The following ZNF525 variants were observed in gnomAD, a reference collection of about 807,000 sequenced individuals.
ZNF525 encodes zinc finger protein 525.
In ZNF525, 33 loss-of-function variants were observed where a neutral mutation model predicts 37.6. The observed-to-expected ratio is 0.88, with a 90% CI of 0.67 to 1.17. ZNF525 has a LOEUF of 1.17. Among genes scored for constraint, ZNF525 ranks in the 50% most tolerant of loss-of-function variants. The probability of loss-of-function intolerance (pLI) is 0.00; values close to 1 mark genes in which losing one functional copy is unlikely to be tolerated. For synonymous variants in ZNF525, 170 were observed against 182.3 expected, an observed-to-expected ratio of 0.93 and a Z score of 0.54; for missense variants, 449 against 543.1, an observed-to-expected ratio of 0.83 and a Z score of 1.72.
chr19:53,366,413 G>A (rs755029426), intron 1 of ZNF525, among the ~76,000 whole-genome samples: 2 of 151,776 alleles, frequency 1.3e-5, no homozygotes, highest in Non-Finnish European at 2.9e-5. Flanking sequence ...GTGATTGTGT[G>A]GGCCAAAGGG....
At chr19:53,371,265 C>T (rs2085486248) in intron 1 of ZNF525, among the ~76,000 whole-genome samples, 1 of 143,930 alleles carries the variant, frequency 6.9e-6, no homozygotes. Context: ...GTCTCATGAT[C>T]TTGGCTCACT....
At chr19:53,375,623 C>G in intron 2 of ZNF525, 147 bp from the exon 3 acceptor site, 1 of 1,586,310 alleles carries the variant, frequency 6.3e-7, no homozygotes, top group African/African-American at 1.3e-5. Flanking sequence ...ACTGGGAAGA[C>G]AAAATGCAGT....
Position 53,382,856 on chromosome 19 carries a change from AACCTTGAAAGTCATAGG to A in ZNF525, c.*839_*855del. ...TGATAAAGCTTTCAGATTCAAATCA[AACCTTGAAAGTCATAGG>A]AGAATTCATACTAGAGAGAAACCTT... On this transcript the variant is annotated 3_prime_UTR_variant, in exon 4 of 4. Transcript: ENST00000474037. The A allele has an allele frequency of 7.4e-7, 1 of 1,343,058 alleles. No individual in the cohort carries two copies. Among genetic ancestry groups the A allele is most frequent in the East Asian group, 2.4e-5 (1 of 42,124 alleles). 83.2% of individuals were successfully genotyped at this position (1,343,058 alleles called of 1,614,324 possible).
chr19:53,373,654 A>AT lies in ZNF525; in HGVS notation c.15+1358_15+1359insT, dbSNP rs1385611800. Among the ~76,000 whole-genome samples, 5 of 144,270 alleles carry AT rather than the reference A, an allele frequency of 3.5e-5. No homozygotes were observed. In the South Asian group the frequency reaches 6.6e-4, roughly 19 times the overall value. 94.6% of individuals were successfully genotyped at this position (144,270 alleles called of 152,430 possible). On this transcript the variant is annotated intron_variant, in intron 2 of 3. Coordinates refer to ENST00000474037, the MANE Select transcript of ZNF525 (RefSeq NM_001348156.2). ...GGAAAAATTCTGCAGTAAATTACAA[A>AT]ATTTTTTTTTTACAAAAATTAACCA...
At chr19:53,370,542 C>T (rs1270281445) in intron 1 of ZNF525, among the ~76,000 whole-genome samples, 2 of 152,030 alleles carry the variant, frequency 1.3e-5, no homozygotes, top group African/African-American at 2.4e-5. Flanking sequence ...AGGGGCTAGA[C>T]CAGAAAAGCT....
intron 1 of ZNF525, among the ~76,000 whole-genome samples, chr19:53,371,017 G>A (rs190373895): frequency 5.9e-5 from 9 of 152,176 alleles, no homozygotes; most frequent in East Asian, 3.9e-4. Context: ...GTCTCAGGTC[G>A]TTGTCCCTGC....
chr19:53,386,372 C>T lies in ZNF525; in HGVS notation c.*4353C>T, dbSNP rs373480725. 6.3e-5 allele frequency: 55 copies of T among 872,052 alleles called. No homozygotes were observed. Among genetic ancestry groups the T allele is most frequent in the East Asian group, 5.3e-4 (21 of 39,562 alleles). 54.0% of individuals were successfully genotyped at this position (872,052 alleles called of 1,614,324 possible). On this transcript the variant is annotated 3_prime_UTR_variant, in exon 4 of 4. Coordinates refer to ENST00000474037, the MANE Select transcript of ZNF525 (RefSeq NM_001348156.2). ...TCCAAAAGGAGACATTGGAGAAGAA[C>T]CAAGCTGGGTCTATAAGGAATTGCA...
At chr19:53,367,563 T>G (rs945500057) in intron 1 of ZNF525, among the ~76,000 whole-genome samples, 3 of 152,152 alleles carry the variant, frequency 2.0e-5, no homozygotes, top group African/African-American at 7.2e-5. Flanking sequence ...CAATTCTTAG[T>G]ATTTCTAGAA....
chr19:53,377,199 C>A (rs367956269), intron 3 of ZNF525, among the ~76,000 whole-genome samples: 1 of 152,110 alleles, frequency 6.6e-6, no homozygotes, highest in African/African-American at 2.4e-5. Flanking sequence ...ATTAATGAGA[C>A]GAAGTTTTGT....
At chr19:53,367,043 A>G (rs2085453168) in intron 1 of ZNF525, among the ~76,000 whole-genome samples, 1 of 152,196 alleles carries the variant, frequency 6.6e-6, no homozygotes, top group African/African-American at 2.4e-5. Context: ...CACGTAATCT[A>G]TAGCATAGCA....
In ZNF525 at chr19:53,383,304, C is replaced by A. The variant is rs1487939388; in HGVS notation, c.*1285C>A. On this transcript the variant is annotated 3_prime_UTR_variant, in exon 4 of 4. Transcript: ENST00000474037. ...CTTGTAATTCATAAAACAATTCATACTGGAGAGAAACAAGCGTAATGAATG... is the reference window on the plus strand; with the variant it reads ...CTTGTAATTCATAAAACAATTCATAATGGAGAGAAACAAGCGTAATGAATG... The A allele has an allele frequency of 7.0e-6, 9 of 1,286,836 alleles. No individual in the cohort carries two copies. In the African/African-American group the frequency reaches 1.6e-4, roughly 23 times the overall value. 79.7% of individuals were successfully genotyped at this position (1,286,836 alleles called of 1,614,324 possible).
At position 53,381,642 on chromosome 19, in the gene ZNF525, T is replaced by C; in HGVS notation, c.1063T>C (p.Tyr355His). 1 of 1,131,604 alleles carries C rather than the reference T, an allele frequency of 8.8e-7. No homozygotes were observed. Among genetic ancestry groups the C allele is most frequent in the Non-Finnish European group, 1.4e-6 (1 of 739,346 alleles). 70.1% of individuals were successfully genotyped at this position (1,131,604 alleles called of 1,614,324 possible). ...TAGCATTCATACTGGAAAGAAACCT[T>C]ACGAATGTGAAGAATGTGACAAAGC... Reference protein sequence around the residue: ...HRSIHTGKKPYECEECDKAFS... With the variant: ...HRSIHTGKKPHECEECDKAFS... Residue 355 changes from tyrosine to histidine, a missense_variant, in exon 4 of 4, where the codon TAC becomes CAC. Transcript: ENST00000474037.
intron 1 of ZNF525, among the ~76,000 whole-genome samples, chr19:53,367,036 G>A (rs182250495): frequency 5.9e-5 from 9 of 152,246 alleles, no homozygotes; most frequent in Admixed American, 2.6e-4. Context: ...AATAGGTCAC[G>A]TAATCTATAG....
chr19:53,381,359 C>G lies in ZNF525; in HGVS notation c.780C>G (p.Arg260=), dbSNP rs781137094. ...KVFIRKRYLA[R]HRRCHTGEKP... Reference sequence around the variant, plus strand: ...TTATTCGGAAGCGATACCTTGCACGCCATCGTAGATGTCACACTGGTGAGA... The same window carrying G: ...TTATTCGGAAGCGATACCTTGCACGGCATCGTAGATGTCACACTGGTGAGA... The change falls in exon 4 of 4, where the codon CGC becomes CGG. Residue 260 remains arginine (R), a synonymous_variant. Transcript: ENST00000474037. 1 of 1,594,862 alleles carries G rather than the reference C, an allele frequency of 6.3e-7. No individual in the cohort carries two copies. The highest frequency in any genetic ancestry group is 8.6e-7 in the Non-Finnish European group (1 of 1,162,630).
At chr19:53,372,452 T>C in intron 2 of ZNF525, 156 bp downstream of exon 2, 1 of 752,910 alleles carries the variant, frequency 1.3e-6, no homozygotes, top group South Asian at 1.4e-5. Context: ...ACTTAGATTT[T>C]ATCTCTTGTG....
rs1205710897 is a variant in ZNF525 at position 53,382,059 on chromosome 19, T to A, written c.*40T>A. The stretch of plus-strand genomic sequence containing the variant: ...TCAGAAAATTCATACTGGAGAGAAA[T>A]GTTATAAGTGTAATGATTGTGGCAA... On this transcript the variant is annotated 3_prime_UTR_variant, in exon 4 of 4. Coordinates refer to ENST00000474037, the MANE Select transcript of ZNF525 (RefSeq NM_001348156.2). 1 of 1,398,546 alleles carries A rather than the reference T, an allele frequency of 7.2e-7. No individual in the cohort carries two copies. Among genetic ancestry groups the A allele is most frequent in the South Asian group, 1.2e-5 (1 of 82,982 alleles). 86.6% of individuals were successfully genotyped at this position (1,398,546 alleles called of 1,614,324 possible). A position where few individuals can be genotyped will look rare whatever the true frequency, so the allele number is the denominator to read the frequency against.
rs770547420 is a variant in ZNF525 at position 53,381,107 on chromosome 19, A to G, written c.528A>G (p.Thr176=). The G allele has an allele frequency of 3.8e-5, 55 of 1,447,660 alleles. 1 individual carries two copies. Among genetic ancestry groups the G allele is most frequent in the Non-Finnish European group, 5.1e-5 (52 of 1,028,652 alleles). The allele number at this position is 1,447,660 out of a possible 1,614,324, so 89.7% of individuals were successfully genotyped here. ...KSINDASSVS[T]AQRISCRPKT... ...TCAACGATGCTTCCTCGGTTTCAAC[A>G]GCCCAAAGAATTTCTTGTAGGCCCA... Residue 176 remains threonine (T), a synonymous_variant, in exon 4 of 4, where the codon ACA becomes ACG. Transcript: ENST00000474037.
intron 2 of ZNF525, among the ~76,000 whole-genome samples, chr19:53,374,177 C>A (rs1482891171): frequency 2.0e-5 from 3 of 152,044 alleles, no homozygotes; most frequent in Non-Finnish European, 4.4e-5. Flanking sequence ...GCCTCCTTGC[C>A]CAGCCCCCAA....
rs778473198 is a variant in ZNF525 at position 53,381,290 on chromosome 19, T to C, written c.711T>C (p.His237=). The change falls in exon 4 of 4, where the codon CAT becomes CAC. Residue 237 remains histidine (H), a synonymous_variant. Transcript: ENST00000474037. ...SSLLRKHQII[H]LGEKQYKCDV... ...TCTTAAGGAAACATCAGATTATTCA[T>C]CTAGGAGAGAAACAATATAAATGTG... 2.1e-6 allele frequency: 3 copies of C among 1,452,440 alleles called. No homozygotes were observed. Among genetic ancestry groups the C allele is most frequent in the South Asian group, 1.1e-5 (1 of 87,702 alleles). 90.0% of individuals were successfully genotyped at this position (1,452,440 alleles called of 1,614,324 possible).
Sources: allele counts gnomAD v4.1 joint callset (sites outside exome capture counted in the v4.1 genomes callset), GRCh38; gene constraint gnomAD v4.1.1; transcripts MANE v1.5; gene names NCBI Gene and HGNC (gene_info 2026-07-23, HGNC 2026-07-21).